Variants in ADAMTS17 observed in about 807,000 individuals in gnomAD.
ADAMTS17 encodes the protein ADAM metallopeptidase with thrombospondin type 1 motif 17.
ADAMTS17 carries 113 observed loss-of-function variants against 141.5 expected under a neutral mutation model. The observed-to-expected ratio is 0.80, with a 90% CI of 0.69 to 0.93. The LOEUF (loss-of-function observed/expected upper bound fraction) is 0.93. Ranked by LOEUF, ADAMTS17 falls within the 40% of genes least tolerant of loss-of-function variation. The probability of loss-of-function intolerance (pLI) is 0.00; values close to 1 mark genes in which losing one functional copy is unlikely to be tolerated. For synonymous variants in ADAMTS17, 768 were observed against 630.6 expected (o/e 1.22, Z -3.27); for missense variants, 1,659 against 1,517.9 (o/e 1.09, Z -1.54).
chr15:100,304,895 T>C (rs2141831767), intron 3 of ADAMTS17, among the ~76,000 whole-genome samples: 1 of 152,362 alleles, frequency 6.6e-6, no homozygotes, highest in South Asian at 2.1e-4. Flanking sequence ...AGGATGAAGA[T>C]CTTTGTAATG....
rs1161281189 is a variant in ADAMTS17, at chr15:99,976,213, T to C, written c.2959A>G (p.Thr987Ala). The change falls in exon 21 of 22, where the codon ACC (threonine) becomes GCC (alanine). Residue 987 changes from threonine (T) to alanine (A), a missense_variant. Thr to Ala is a moderately conservative substitution (Grantham distance 58, BLOSUM62 0). Coordinates refer to ENST00000268070, the MANE Select transcript of ADAMTS17 (RefSeq NM_139057.4). ...CGGGACTGCAGGCCCTTCCCGCAGG[T>C]CGACGAGCACTGCAGAGACAGGACA... ...KTGDWSTCSS[T>A]CGKGLQSRVV... The C allele has an allele frequency of 1.3e-6, 2 of 1,545,950 alleles. No homozygotes were observed. Among genetic ancestry groups the C allele is most frequent in the Non-Finnish European group, 1.7e-6 (2 of 1,146,964 alleles).
chr15:100,206,195 C>T (rs1230661340), intron 7 of ADAMTS17, among the ~76,000 whole-genome samples: 2 of 152,216 alleles, frequency 1.3e-5, no homozygotes, highest in Non-Finnish European at 2.9e-5. Context: ...GCATGTACTC[C>T]CTGGCTACCA....
In ADAMTS17 at chr15:100,281,086, C is replaced by A. The variant is rs1266373277; in HGVS notation, c.789+143G>T. The A allele has an allele frequency of 3.2e-6, 4 of 1,231,222 alleles. No individual in the cohort carries two copies. In the East Asian group the frequency reaches 9.4e-5, roughly 29 times the overall value. 76.3% of individuals were successfully genotyped at this position (1,231,222 alleles called of 1,614,324 possible). ...CCCCAGTTACTTGCCCTCCTCAATGCCCAGAATTACCAGGCTATGTTCCCG... is the reference window on the plus strand; with the variant it reads ...CCCCAGTTACTTGCCCTCCTCAATGACCAGAATTACCAGGCTATGTTCCCG... On this transcript the variant is annotated intron_variant, in intron 4 of 21. Transcript: ENST00000268070.
At chr15:100,115,437 G>T (rs1394031288) in intron 13 of ADAMTS17, among the ~76,000 whole-genome samples, 1 of 152,236 alleles carries the variant, frequency 6.6e-6, no homozygotes, top group African/African-American at 2.4e-5. Context: ...GTCCCCAAAG[G>T]TGGTGTTCTT....
intron 7 of ADAMTS17, among the ~76,000 whole-genome samples, chr15:100,219,904 G>C (rs1444586497): frequency 6.6e-6 from 1 of 152,052 alleles, no homozygotes; most frequent in Non-Finnish European, 1.5e-5. Flanking sequence ...TTTATAACAA[G>C]TTTTAAAATA....
At chr15:99,975,014 C>G (rs1268131110) in intron 21 of ADAMTS17, among the ~76,000 whole-genome samples, 1 of 152,202 alleles carries the variant, frequency 6.6e-6, no homozygotes, top group Non-Finnish European at 1.5e-5. Context: ...AGGCCCTGCT[C>G]AAGGGAGGTC....
Position 100,281,375 on chromosome 15 carries a change from G to C in ADAMTS17, c.643C>G (p.Pro215Ala). ...CTCCGCTCCCGCCAGTCCCGCGAAG[G>C]CCTGCCCCACGTCGGCTTCTTCTTT... is the stretch of plus-strand genomic sequence containing the variant. ...TEKKKPTWGRPSRDWRERRNA... is the reference protein window; with the variant it reads ...TEKKKPTWGRASRDWRERRNA... The change falls in exon 4 of 22, where the codon CCT (proline) becomes GCT (alanine). Residue 215 changes from proline to alanine, a missense_variant. Coordinates refer to ENST00000268070, the MANE Select transcript of ADAMTS17 (RefSeq NM_139057.4). 1.9e-6 allele frequency: 3 copies of C among 1,612,588 alleles called. No individual in the cohort carries two copies. Among genetic ancestry groups the C allele is most frequent in the Non-Finnish European group, 2.5e-6 (3 of 1,179,938 alleles).
At chr15:100,107,805 T>C (rs1375705050) in intron 14 of ADAMTS17, among the ~76,000 whole-genome samples, 1 of 152,104 alleles carries the variant, frequency 6.6e-6, no homozygotes, top group Non-Finnish European at 1.5e-5. Context: ...CTTCCAGAAC[T>C]GTGAGTAATA....
At chr15:100,147,027 G>A (rs1432029271) in intron 10 of ADAMTS17, among the ~76,000 whole-genome samples, 1 of 151,954 alleles carries the variant, frequency 6.6e-6, no homozygotes, top group African/African-American at 2.4e-5. Flanking sequence ...ATCTCGCCCT[G>A]CCTCCACTTG....
At chr15:100,226,179 T>C (rs747080418) in intron 7 of ADAMTS17, among the ~76,000 whole-genome samples, 7 of 152,252 alleles carry the variant, frequency 4.6e-5, no homozygotes, top group Non-Finnish European at 7.3e-5. Flanking sequence ...ATGGCCTCTG[T>C]GCCATTCCGT....
intron 8 of ADAMTS17, among the ~76,000 whole-genome samples, chr15:100,180,983 A>G (rs903592190): frequency 1.3e-5 from 2 of 152,140 alleles, no homozygotes; most frequent in Admixed American, 1.3e-4. Context: ...TTAGAAATCT[A>G]CCTGGTGGTC....
chr15:100,199,712 C>T (rs1445405426), intron 7 of ADAMTS17, among the ~76,000 whole-genome samples: 1 of 152,186 alleles, frequency 6.6e-6, no homozygotes, highest in Non-Finnish European at 1.5e-5. Context: ...ATGAGGGAAA[C>T]TGAGGTTTGG....
At chr15:100,332,783 G>T (rs1263162769) in intron 2 of ADAMTS17, among the ~76,000 whole-genome samples, 1 of 152,168 alleles carries the variant, frequency 6.6e-6, no homozygotes, top group Non-Finnish European at 1.5e-5. Flanking sequence ...TAAACTTAAG[G>T]AAGAAAACAG....
At chr15:100,052,820 C>A (rs945951168) in intron 16 of ADAMTS17, among the ~76,000 whole-genome samples, 2 of 152,216 alleles carry the variant, frequency 1.3e-5, no homozygotes, top group Non-Finnish European at 2.9e-5. Flanking sequence ...CTGAGAGGTG[C>A]GCTGGCAGAT....
At chr15:100,026,787 T>C (rs1205405832) in intron 18 of ADAMTS17, among the ~76,000 whole-genome samples, 2 of 152,358 alleles carry the variant, frequency 1.3e-5, no homozygotes, top group African/African-American at 4.8e-5. Flanking sequence ...CCTCAGACTT[T>C]GGGGAATGTC....
At chr15:100,297,587 T>TG (rs2044869043) in intron 3 of ADAMTS17, among the ~76,000 whole-genome samples, 1 of 152,124 alleles carries the variant, frequency 6.6e-6, no homozygotes, top group African/African-American at 2.4e-5. Flanking sequence ...CCTGGATGAA[T>TG]GGGGGGACCA....
At chr15:100,325,533 G>C (rs1419437834) in intron 3 of ADAMTS17, among the ~76,000 whole-genome samples, 1 of 152,206 alleles carries the variant, frequency 6.6e-6, no homozygotes, top group Non-Finnish European at 1.5e-5. Flanking sequence ...CAATGCTGGA[G>C]GTGGAGCCTA....
chr15:100,121,671 GA>G lies in ADAMTS17; in HGVS notation c.1722-4659del, dbSNP rs899654414. 4.6e-5 allele frequency among the ~76,000 whole-genome samples: 7 copies of G among 151,876 alleles called. 1 individual carries two copies. Among genetic ancestry groups the G allele is most frequent in the Non-Finnish European group, 2.9e-5 (2 of 67,984 alleles). ...AAATGGAGAAAGTTTGTTACCACTA[GA>G]CCTGCATTACAATAAATGCTAAAGG... On this transcript the variant is annotated intron_variant, in intron 12 of 21. Coordinates refer to ENST00000268070, the MANE Select transcript of ADAMTS17 (RefSeq NM_139057.4).
chr15:100,247,069 T>A (rs2043010916), intron 7 of ADAMTS17, among the ~76,000 whole-genome samples: 1 of 151,978 alleles, frequency 6.6e-6, no homozygotes. Flanking sequence ...ATTTTTTTTG[T>A]AGGGACAGGG....
Sources: allele counts gnomAD v4.1 joint callset (sites outside exome capture counted in the v4.1 genomes callset), GRCh38; gene constraint gnomAD v4.1.1; transcripts MANE v1.5; gene names NCBI Gene and HGNC (gene_info 2026-07-23, HGNC 2026-07-21).